NUP62CL: variants seen among roughly 807,000 people sequenced by gnomAD.
NUP62CL encodes the protein nucleoporin 62 C-terminal like.
A neutral mutation model predicts 15.3 loss-of-function variants in NUP62CL; 13 were observed. That is an observed-to-expected ratio of 0.85 (90% CI 0.55 to 1.35). NUP62CL has a LOEUF of 1.35. Ranked by LOEUF, NUP62CL falls within the 40% of genes most tolerant of loss-of-function variation. NUP62CL has a pLI of 0.00. For missense variants in NUP62CL, 123 were observed against 130.6 expected, an observed-to-expected ratio of 0.94 and a Z score of 0.28; for synonymous variants, 54 against 49.2, an observed-to-expected ratio of 1.10 and a Z score of -0.41.
Position 107,153,517 on chromosome X carries a change from T to C in NUP62CL, c.346-14A>G. The C allele has an allele frequency of 9.9e-7, 1 of 1,011,126 alleles. No homozygotes were observed. The highest frequency in any genetic ancestry group is 1.4e-6 in the Non-Finnish European group (1 of 739,344). 83.3% of individuals were successfully genotyped at this position (1,011,126 alleles called of 1,213,427 possible). ...TAAAATACGAATCTATAAAGAGAAA[T>C]ATGAATACAACAATATAAGTATTTG... On this transcript the variant is annotated splice_polypyrimidine_tract_variant and intron_variant, in intron 5 of 8. Coordinates refer to ENST00000372466, the MANE Select transcript of NUP62CL (RefSeq NM_017681.3).
chrX:107,203,456 G>T (rs6622179), intron 1 of NUP62CL, among the ~76,000 whole-genome samples: 1 of 109,308 alleles, frequency 9.1e-6, no homozygotes, highest in East Asian at 2.9e-4. Flanking sequence ...GTGTTACCCA[G>T]GCTGGTCTTG....
intron 1 of NUP62CL, among the ~76,000 whole-genome samples, chrX:107,198,311 T>C (rs1927401942): frequency 9.0e-6 from 1 of 111,703 alleles, no homozygotes; most frequent in Non-Finnish European, 1.9e-5. Flanking sequence ...AATGGACCCA[T>C]CAGCACTCTA....
chrX:107,151,757 G>A (rs897186121), intron 7 of NUP62CL, among the ~76,000 whole-genome samples: 4 of 108,314 alleles, frequency 3.7e-5, no homozygotes, highest in Non-Finnish European at 5.7e-5. Flanking sequence ...TGGGCCGGGC[G>A]CGGTGGCTCA....
At chrX:107,189,256 A>G (rs982830145) in intron 2 of NUP62CL, among the ~76,000 whole-genome samples, 20 of 111,609 alleles carry the variant, frequency 1.8e-4, no homozygotes, top group Non-Finnish European at 3.2e-4. Flanking sequence ...GCAGTTTCTT[A>G]TAAAACTGAA....
chrX:107,202,853 A>G (rs1927519457), intron 1 of NUP62CL, among the ~76,000 whole-genome samples: 1 of 105,819 alleles, frequency 9.5e-6, no homozygotes, highest in Admixed American at 1.0e-4. Context: ...AAAAAAAAAA[A>G]TTAGCCAGGT....
At chrX:107,129,498 G>A (rs954914313) in intron 8 of NUP62CL, among the ~76,000 whole-genome samples, 1 of 112,201 alleles carries the variant, frequency 8.9e-6, no homozygotes, top group African/African-American at 3.2e-5. Flanking sequence ...TGAACACTAA[G>A]CCTGCAGTCT....
At chrX:107,133,612 C>T (rs1925570609) in intron 8 of NUP62CL, among the ~76,000 whole-genome samples, 1 of 112,383 alleles carries the variant, frequency 8.9e-6, no homozygotes, top group Admixed American at 9.3e-5. Flanking sequence ...GCTGGGATTG[C>T]AGGCATGAAC....
chrX:107,197,572 C>G (rs1401372203), intron 1 of NUP62CL, among the ~76,000 whole-genome samples: 2 of 109,093 alleles, frequency 1.8e-5, no homozygotes, highest in East Asian at 5.7e-4. Flanking sequence ...AGCTTACAGT[C>G]TCTCTTGGGT....
chrX:107,183,309 TAAG>T (rs1391978197), intron 2 of NUP62CL, among the ~76,000 whole-genome samples: 2 of 109,869 alleles, frequency 1.8e-5, no homozygotes, highest in Non-Finnish European at 3.8e-5. Flanking sequence ...AAAATAGACG[TAAG>T]AAGCCCAGGA....
intron 7 of NUP62CL, among the ~76,000 whole-genome samples, chrX:107,152,099 G>GATATATATATATATATTCAC: frequency 2.6e-5 from 1 of 38,850 alleles, no homozygotes; most frequent in Non-Finnish European, 4.0e-5. Context: ...TATATATTCA[G>GATATATATATATATATTCAC]ATATATATAT....
intron 4 of NUP62CL, among the ~76,000 whole-genome samples, chrX:107,155,538 A>G (rs1602645460): frequency 1.8e-5 from 2 of 112,095 alleles, no homozygotes; most frequent in East Asian, 2.8e-4. Flanking sequence ...AGCGGGAAGC[A>G]GTTTCCATAC....
chrX:107,185,195 T>A (rs1408540842), intron 2 of NUP62CL, among the ~76,000 whole-genome samples: 5 of 14,732 alleles, frequency 3.4e-4, no homozygotes, highest in African/African-American at 1.7e-3. Context: ...AGACTCCGTC[T>A]CAAAAAAAAA....
intron 8 of NUP62CL, among the ~76,000 whole-genome samples, chrX:107,135,531 A>C: frequency 9.0e-6 from 1 of 111,491 alleles, no homozygotes; most frequent in Non-Finnish European, 1.9e-5. Context: ...CTATGAGTAA[A>C]GGGTTAATAA....
intron 7 of NUP62CL, among the ~76,000 whole-genome samples, chrX:107,151,767 A>G (rs1926016049): frequency 9.2e-6 from 1 of 108,232 alleles, no homozygotes; most frequent in Non-Finnish European, 1.9e-5. Flanking sequence ...GCGGTGGCTC[A>G]TGCCTGTAAT....
intron 8 of NUP62CL, among the ~76,000 whole-genome samples, chrX:107,130,469 C>G (rs970450029): frequency 8.9e-6 from 1 of 112,171 alleles, no homozygotes; most frequent in Non-Finnish European, 1.9e-5. Context: ...AAGTTTACTT[C>G]CTATGCACTC....
intron 4 of NUP62CL, among the ~76,000 whole-genome samples, chrX:107,157,957 A>G (rs1926251715): frequency 1.9e-5 from 2 of 105,629 alleles, no homozygotes; most frequent in South Asian, 8.9e-4. Context: ...ATGGAAAACA[A>G]AAAAAGGCAG....
At chrX:107,131,947 A>G in intron 8 of NUP62CL, 1 of 1,021,692 alleles carries the variant, frequency 9.8e-7, no homozygotes, top group Non-Finnish European at 1.4e-6. Context: ...GCTCAGCATG[A>G]CAAGAACTCT....
At chrX:107,126,873 A>G (rs1925398283) in intron 8 of NUP62CL, among the ~76,000 whole-genome samples, 1 of 111,499 alleles carries the variant, frequency 9.0e-6, no homozygotes, top group Non-Finnish European at 1.9e-5. Context: ...GTATCTACTA[A>G]AAATACAAAA....
At chrX:107,164,493 T>G (rs1013031919) in intron 4 of NUP62CL, among the ~76,000 whole-genome samples, 1 of 107,008 alleles carries the variant, frequency 9.3e-6, no homozygotes, top group Non-Finnish European at 1.9e-5. Context: ...AATAATAGAG[T>G]AGATATCAAG....
Sources: gnomAD v4.1 joint callset for allele counts (sites outside exome capture counted in the v4.1 genomes callset) on GRCh38, gnomAD v4.1.1 for gene constraint, MANE v1.5 for transcripts, NCBI Gene and HGNC (gene_info 2026-07-23, HGNC 2026-07-21) for gene names.